CSTF3: variants seen among roughly 807,000 people sequenced by gnomAD.
CSTF3 encodes the protein cleavage stimulation factor subunit 3.
In CSTF3, 29 loss-of-function variants were observed where a neutral mutation model predicts 105.8. The observed-to-expected ratio is 0.27, with a 90% confidence interval of 0.20 to 0.37. The LOEUF is 0.37. Ranked by LOEUF, CSTF3 falls within the 10% of genes least tolerant of loss-of-function variation. CSTF3 has a pLI of 1.00. For synonymous variants in CSTF3, 252 were observed against 281.9 expected, an observed-to-expected ratio of 0.89 and a Z score of 1.06; for missense variants, 357 against 879.3, an observed-to-expected ratio of 0.41 and a Z score of 7.51.
At chr11:33,089,185 A>G (rs1855140055) in intron 17 of CSTF3, among the ~76,000 whole-genome samples, 1 of 151,932 alleles carries the variant, frequency 6.6e-6, no homozygotes, top group African/African-American at 2.4e-5. Flanking sequence ...CATCTCCACA[A>G]AAAAATACAC....
intron 1 of CSTF3, among the ~76,000 whole-genome samples, chr11:33,150,490 A>T (rs778202221): frequency 1.3e-5 from 2 of 152,206 alleles, no homozygotes; most frequent in African/African-American, 4.8e-5. Flanking sequence ...AGTTATCAAG[A>T]CATACATATT....
intron 1 of CSTF3, among the ~76,000 whole-genome samples, chr11:33,147,373 G>C (rs1281909551): frequency 3.3e-5 from 5 of 151,562 alleles, no homozygotes; most frequent in Non-Finnish European, 7.4e-5. Flanking sequence ...GAGGTGGGCA[G>C]ATCACGAGGT....
At chr11:33,137,178 T>G (rs1167557564) in intron 3 of CSTF3, among the ~76,000 whole-genome samples, 1 of 151,860 alleles carries the variant, frequency 6.6e-6, no homozygotes, top group Non-Finnish European at 1.5e-5. Context: ...CTGCAGAGAT[T>G]AGTTTTGCTT....
At chr11:33,154,032 A>T (rs967285941) in intron 1 of CSTF3, among the ~76,000 whole-genome samples, 1 of 152,142 alleles carries the variant, frequency 6.6e-6, no homozygotes, top group Non-Finnish European at 1.5e-5. Flanking sequence ...GTAAAATACC[A>T]TCCTCAAATA....
At chr11:33,104,458 C>T (rs2133776881) in intron 8 of CSTF3, among the ~76,000 whole-genome samples, 1 of 152,320 alleles carries the variant, frequency 6.6e-6, no homozygotes, top group East Asian at 1.9e-4. Flanking sequence ...TCACTACACA[C>T]TACATTTTTT....
intron 1 of CSTF3, chr11:33,156,809 T>A (rs1302100970): frequency 2.5e-6 from 1 of 393,356 alleles, no homozygotes; most frequent in Non-Finnish European, 5.0e-6. Context: ...TCTACCTAAA[T>A]AGTAAATAAA....
At chr11:33,110,931 C>A (rs751382139) in intron 3 of CSTF3, among the ~76,000 whole-genome samples, 1 of 152,036 alleles carries the variant, frequency 6.6e-6, no homozygotes, top group Non-Finnish European at 1.5e-5. Context: ...TAGGATCTAT[C>A]CTATAAAAAT....
intron 3 of CSTF3, among the ~76,000 whole-genome samples, chr11:33,113,169 A>G (rs1855396830): frequency 6.6e-6 from 1 of 151,926 alleles, no homozygotes; most frequent in African/African-American, 2.4e-5. Flanking sequence ...ATCGCACCAC[A>G]CACTCCAGCT....
chr11:33,086,051 T>G, intron 18 of CSTF3, 62 bp from the exon 19 acceptor site: 1 of 1,010,284 alleles, frequency 9.9e-7, no homozygotes, highest in Admixed American at 3.4e-5. Context: ...AGAGCTAAAA[T>G]CAAGTGACTT....
chr11:33,116,776 G>A (rs1776802508), intron 3 of CSTF3, among the ~76,000 whole-genome samples: 1 of 152,090 alleles, frequency 6.6e-6, no homozygotes, highest in Non-Finnish European at 1.5e-5. Context: ...GTGGCTTTTA[G>A]TGCTATGGGA....
At chr11:33,118,776 T>C (rs1855458964) in intron 3 of CSTF3, among the ~76,000 whole-genome samples, 1 of 151,710 alleles carries the variant, frequency 6.6e-6, no homozygotes, top group Non-Finnish European at 1.5e-5. Flanking sequence ...ATGACATTAA[T>C]TCCATACTGC....
intron 3 of CSTF3, among the ~76,000 whole-genome samples, chr11:33,122,198 C>T (rs1159859651): frequency 6.6e-6 from 1 of 152,190 alleles, no homozygotes; most frequent in Non-Finnish European, 1.5e-5. Context: ...ATTTAATTAG[C>T]TCACCAATGG....
At chr11:33,128,369 A>G (rs1855566148) in intron 3 of CSTF3, among the ~76,000 whole-genome samples, 1 of 152,148 alleles carries the variant, frequency 6.6e-6, no homozygotes, top group African/African-American at 2.4e-5. Flanking sequence ...AAAGAAACCA[A>G]AAGAGAATTT....
intron 8 of CSTF3, among the ~76,000 whole-genome samples, chr11:33,103,498 T>C (rs1217152005): frequency 2.0e-5 from 3 of 152,118 alleles, no homozygotes; most frequent in Non-Finnish European, 4.4e-5. Flanking sequence ...AAAAATGACA[T>C]GGCTCATGCC....
intron 14 of CSTF3, among the ~76,000 whole-genome samples, 167 bp downstream of exon 14, chr11:33,096,668 G>A (rs1212118076): frequency 6.6e-6 from 1 of 152,228 alleles, no homozygotes; most frequent in Non-Finnish European, 1.5e-5. Context: ...TTAGCAAGTA[G>A]TTGGGGATTT....
At chr11:33,131,345 A>G (rs1855596630) in intron 3 of CSTF3, among the ~76,000 whole-genome samples, 1 of 152,222 alleles carries the variant, frequency 6.6e-6, no homozygotes, top group African/African-American at 2.4e-5. Context: ...AATGCCCACC[A>G]AAATATTGAT....
chr11:33,105,539 A>C (rs1855318447), intron 8 of CSTF3, 28 bp downstream of exon 8: 1 of 1,581,786 alleles, frequency 6.3e-7, no homozygotes, highest in African/African-American at 1.4e-5. Flanking sequence ...CTTGGTTTAT[A>C]ATAAACAACT....
At chr11:33,097,479 C>G (rs1010159997) in intron 13 of CSTF3, among the ~76,000 whole-genome samples, 1 of 152,136 alleles carries the variant, frequency 6.6e-6, no homozygotes, top group African/African-American at 2.4e-5. Flanking sequence ...AAGCCATTCT[C>G]CTGCCTCAGG....
chr11:33,112,706 A>G (rs1368291001), intron 3 of CSTF3, among the ~76,000 whole-genome samples: 1 of 152,186 alleles, frequency 6.6e-6, no homozygotes, highest in Non-Finnish European at 1.5e-5. Flanking sequence ...TATCCTATGT[A>G]TTACTTACTA....
Sources: gnomAD v4.1 joint callset for allele counts (sites outside exome capture counted in the v4.1 genomes callset) on GRCh38, gnomAD v4.1.1 for gene constraint, MANE v1.5 for transcripts, NCBI Gene and HGNC (gene_info 2026-07-23, HGNC 2026-07-21) for gene names.